ANKRD11: variants seen among roughly 807,000 people sequenced by gnomAD.
ANKRD11 encodes the protein ankyrin repeat domain 11, also known as ankyrin repeat domain-containing protein 11.
A neutral mutation model predicts 195.7 loss-of-function variants in ANKRD11; 17 were observed. The observed-to-expected ratio is 0.09, with a 90% CI of 0.06 to 0.13. ANKRD11 has a LOEUF of 0.13. Ranked by LOEUF, ANKRD11 falls within the 10% of genes least tolerant of loss-of-function variation. ANKRD11 has a pLI of 1.00. For missense variants in ANKRD11, 3,735 were observed against 3,566.1 expected (o/e 1.05, Z -1.21); for synonymous variants, 1,953 against 1,528.1 (o/e 1.28, Z -6.49).
chr16:89,386,895 G>A (rs1438227328), intron 2 of ANKRD11, among the ~76,000 whole-genome samples: 2 of 152,142 alleles, frequency 1.3e-5, no homozygotes, highest in Admixed American at 6.5e-5. Flanking sequence ...GTGCCAGCAA[G>A]AGACCCTGCC....
chr16:89,356,008 G>C (rs376289095), intron 2 of ANKRD11, among the ~76,000 whole-genome samples: 5 of 152,300 alleles, frequency 3.3e-5, no homozygotes, highest in African/African-American at 1.2e-4. Flanking sequence ...CCCCGCCCTG[G>C]GGGCTGAGGC....
intron 2 of ANKRD11, among the ~76,000 whole-genome samples, chr16:89,397,025 T>A (rs1176147111): frequency 2.0e-5 from 3 of 147,556 alleles, no homozygotes; most frequent in African/African-American, 7.6e-5. Context: ...AATACAGGAT[T>A]TTTTTTTTTT....
rs781423571 is a variant in ANKRD11, at chr16:89,284,325, C to T, written c.2217G>A (p.Ser739=). 6.8e-6 allele frequency: 11 copies of T among 1,613,742 alleles called. No individual in the cohort carries two copies. The highest frequency in any genetic ancestry group is 5.3e-5 in the African/African-American group (4 of 74,916). Residue 739 remains serine (S), a synonymous_variant, in exon 9 of 13, where the codon TCG becomes TCA. Transcript: ENST00000301030. ...GCGATCTCTCCTTTTCTGCTTTATT[C>T]GAACGGTCTTTCTCTTCTCGGAAAG... ...SRSFREEKDR[S]NKAEKERSLK...
At position 89,358,307 on chromosome 16, in the gene ANKRD11, C is replaced by T. The variant is rs183794624; in HGVS notation, c.-59-41229G>A. Among the ~76,000 whole-genome samples, 98 of 152,362 alleles carry T rather than the reference C, an allele frequency of 6.4e-4. 3 individuals carry two copies. The highest frequency in any genetic ancestry group is 1.6e-4 in the Non-Finnish European group (11 of 68,038). On this transcript the variant is annotated intron_variant, in intron 2 of 12. Coordinates refer to ENST00000301030, the MANE Select transcript of ANKRD11 (RefSeq NM_013275.6). ...GGCGTGTTCCTTCCCTTCTGTTGGC[C>T]ACATCACAGCTGCATATTCACGGGA...
chr16:89,348,870 C>T (rs1182919530), intron 2 of ANKRD11, among the ~76,000 whole-genome samples: 4 of 144,232 alleles, frequency 2.8e-5, no homozygotes, highest in Non-Finnish European at 4.5e-5. Flanking sequence ...GTTTTATTGT[C>T]TTTAAAAAAA....
chr16:89,305,919 G>A lies in ANKRD11; in HGVS notation c.88-575C>T, dbSNP rs71374103. On this transcript the variant is annotated intron_variant, in intron 3 of 12. Transcript: ENST00000301030. ...ACACGTGCCACCCACCTCCCACTCC[G>A]CAGACACGCGCCACCCACCTCCCAC... Among the ~76,000 whole-genome samples the A allele has an allele frequency of 3.5e-3, 21 of 6,008 alleles. 6 individuals are homozygous for A. Among genetic ancestry groups the A allele is most frequent in the African/African-American group, 0.011 (12 of 1,054 alleles). The allele number at this position is 6,008 out of a possible 152,430, so 3.9% of individuals were successfully genotyped here. A position where few individuals can be genotyped will look rare whatever the true frequency, so the allele number is the denominator to read the frequency against.
chr16:89,486,336 G>A (rs1488464931), intron 1 of ANKRD11, among the ~76,000 whole-genome samples: 9 of 151,852 alleles, frequency 5.9e-5, no homozygotes, highest in Admixed American at 5.9e-4. Flanking sequence ...AGCTACTCAG[G>A]AGTCTGAGGT....
At chr16:89,338,404 G>A (rs1443809780) in intron 2 of ANKRD11, among the ~76,000 whole-genome samples, 1 of 139,202 alleles carries the variant, frequency 7.2e-6, no homozygotes, top group African/African-American at 2.7e-5. Flanking sequence ...TGGAAATCCT[G>A]TACTTAACAT....
chr16:89,378,733 C>T (rs1235641952), intron 2 of ANKRD11, among the ~76,000 whole-genome samples: 1 of 152,168 alleles, frequency 6.6e-6, no homozygotes, highest in African/African-American at 2.4e-5. Context: ...GTGTGTGCCA[C>T]CATGCCTGGC....
intron 1 of ANKRD11, among the ~76,000 whole-genome samples, chr16:89,464,353 A>G (rs4785672): frequency 0.37 from 56,183 of 151,932 alleles, 11,235 homozygotes; most frequent in Middle Eastern, 0.52. Flanking sequence ...TCACGCCTGT[A>G]ATCCCAGCAC....
chr16:89,486,015 G>C (rs1296623856), intron 1 of ANKRD11, among the ~76,000 whole-genome samples: 1 of 152,152 alleles, frequency 6.6e-6, no homozygotes, highest in African/African-American at 2.4e-5. Flanking sequence ...GAAAACAGCA[G>C]TCCTGCTAAA....
intron 1 of ANKRD11, among the ~76,000 whole-genome samples, chr16:89,482,883 T>C (rs1200238730): frequency 6.6e-6 from 1 of 152,216 alleles, no homozygotes; most frequent in Non-Finnish European, 1.5e-5. Context: ...AGGCAGCCTC[T>C]GGAACACGGA....
chr16:89,424,991 G>C (rs1379862485), intron 1 of ANKRD11, among the ~76,000 whole-genome samples: 1 of 151,792 alleles, frequency 6.6e-6, no homozygotes, highest in Non-Finnish European at 1.5e-5. Context: ...GTTCTCCAAT[G>C]TGTTACCATT....
At chr16:89,270,147 C>T (rs1270647366) in intron 12 of ANKRD11, 1 of 158,256 alleles carries the variant, frequency 6.3e-6, no homozygotes, top group Non-Finnish European at 1.4e-5. Context: ...ACCCACAGCT[C>T]CCACCGGGTA....
intron 2 of ANKRD11, among the ~76,000 whole-genome samples, chr16:89,327,146 G>T (rs1181641368): frequency 6.6e-6 from 1 of 151,924 alleles, no homozygotes; most frequent in African/African-American, 2.4e-5. Context: ...TCTGATGACA[G>T]CGAAATATGT....
intron 6 of ANKRD11, 37 bp from the exon 7 acceptor site, chr16:89,288,707 C>A (rs769719564): frequency 4.6e-5 from 74 of 1,613,522 alleles, no homozygotes; most frequent in Middle Eastern, 3.3e-4. Flanking sequence ...TTATTTAATC[C>A]TCAGAACTTC....
At chr16:89,363,750 G>T (rs1441460969) in intron 2 of ANKRD11, among the ~76,000 whole-genome samples, 2 of 152,194 alleles carry the variant, frequency 1.3e-5, no homozygotes, top group African/African-American at 4.8e-5. Context: ...GGGCCTGCAG[G>T]TTCCAGTCAG....
At chr16:89,473,626 G>C (rs149774008) in intron 1 of ANKRD11, among the ~76,000 whole-genome samples, 3 of 152,186 alleles carry the variant, frequency 2.0e-5, no homozygotes, top group Non-Finnish European at 4.4e-5. Context: ...GAGACGCACC[G>C]CTCTCCCACA....
rs760933701 is a variant in ANKRD11, at chr16:89,279,557, C to T, written c.6985G>A (p.Val2329Met). 5.8e-5 allele frequency: 83 copies of T among 1,431,038 alleles called. No individual in the cohort carries two copies. In the African/African-American group the frequency reaches 9.5e-4, roughly 16 times the overall value. The allele number at this position is 1,431,038 out of a possible 1,614,324, so 88.6% of individuals were successfully genotyped here. The change falls in exon 9 of 13, where the codon GTG becomes ATG. Residue 2329 changes from valine (V) to methionine (M), a missense_variant. Val to Met is a conservative substitution (Grantham distance 21, BLOSUM62 1). Coordinates refer to ENST00000301030, the MANE Select transcript of ANKRD11 (RefSeq NM_013275.6). The surrounding 1 kb of genome is among the most constrained non-coding windows in gnomAD (Gnocchi z 5.6). ...PTAEAPKAPR[V>M]EEIPQRMTRN... ...GTCATGCGCTGAGGGATCTCCTCCA[C>T]TCGGGGGGCCTTCGGGGCTTCGGCC...
Sources: gnomAD v4.1 joint callset for allele counts (sites outside exome capture counted in the v4.1 genomes callset) on GRCh38, gnomAD v4.1.1 for gene constraint, Gnocchi (gnomAD v3.1) non-coding constraint, MANE v1.5 for transcripts, NCBI Gene and HGNC (gene_info 2026-07-23, HGNC 2026-07-21) for gene names.